GLDC: variants seen among roughly 807,000 people sequenced by gnomAD.
The protein encoded by GLDC is glycine dehydrogenase (decarboxylating), mitochondrial.
A neutral mutation model predicts 121.3 loss-of-function variants in GLDC; 104 were observed. That is an observed-to-expected ratio of 0.86 (90% CI 0.73 to 1.01). The LOEUF is 1.01. Among genes scored for constraint, GLDC ranks in the 50% least tolerant of loss-of-function variants. The probability of loss-of-function intolerance (pLI) is 0.00; values close to 1 mark genes in which losing one functional copy is unlikely to be tolerated. For synonymous variants in GLDC, 546 were observed against 480.6 expected, an observed-to-expected ratio of 1.14 and a Z score of -1.78; for missense variants, 1,429 against 1,306.6, an observed-to-expected ratio of 1.09 and a Z score of -1.44.
intron 22 of GLDC, among the ~76,000 whole-genome samples, chr9:6,539,429 A>G (rs575515375): frequency 6.6e-6 from 1 of 152,290 alleles, no homozygotes; most frequent in Admixed American, 6.5e-5. Flanking sequence ...CAGTGAGCTG[A>G]GATCACATCA....
chr9:6,641,579 G>A (rs1322876800), intron 2 of GLDC, among the ~76,000 whole-genome samples: 1 of 152,150 alleles, frequency 6.6e-6, no homozygotes, highest in Non-Finnish European at 1.5e-5. Context: ...CTATGACCTT[G>A]GGCAAGTCAT....
rs148003860 is a variant in GLDC at position 6,543,898 on chromosome 9, G to T, written c.2570-3752C>A. 5.6e-3 allele frequency among the ~76,000 whole-genome samples: 851 copies of T among 151,760 alleles called. 9 individuals carry two copies. Among genetic ancestry groups the T allele is most frequent in the African/African-American group, 0.019 (784 of 41,262 alleles). On this transcript the variant is annotated intron_variant, in intron 21 of 24. Coordinates refer to ENST00000321612, the MANE Select transcript of GLDC (RefSeq NM_000170.3). ...AAGGGGCAAGGAGGACAGGAGGGGG[G>T]GGGATGAAGGAAAAGCAAGGTAAAC...
chr9:6,588,322 T>A, intron 14 of GLDC, 79 bp downstream of exon 14: 2 of 937,610 alleles, frequency 2.1e-6, no homozygotes, highest in South Asian at 2.6e-5. Flanking sequence ...TCCCAGTAGA[T>A]TTCACTAGTT....
In GLDC at chr9:6,595,046, C is replaced by T. The variant is rs144090917; in HGVS notation, c.1229G>A (p.Arg410Lys). 1,833 of 1,611,492 alleles carry T rather than the reference C, an allele frequency of 1.1e-3. 21 individuals are homozygous for T. The Admixed American group carries it at 0.026, about 23-fold the overall frequency. ...CAAAATCAAAGTGGCATTATGTACC[C>T]TCCTAGCAATATGCTCCAGCCCATG... ...GSHGLEHIAR[R>K]VHNATLILSE... The change falls in exon 9 of 25, where the codon AGG (arginine) becomes AAG (lysine). Residue 410 changes from arginine (R) to lysine (K), a missense_variant. Transcript: ENST00000321612.
At chr9:6,556,123 G>C (rs748495210) in intron 18 of GLDC, 30 bp downstream of exon 18, 3 of 1,589,066 alleles carry the variant, frequency 1.9e-6, no homozygotes, top group East Asian at 2.2e-5. Flanking sequence ...TTCTCAGTGG[G>C]AACTAAGGGC....
chr9:6,564,272 C>T (rs1445648667), intron 16 of GLDC, among the ~76,000 whole-genome samples: 1 of 151,800 alleles, frequency 6.6e-6, no homozygotes, highest in Non-Finnish European at 1.5e-5. Context: ...AATTCTATTC[C>T]CCAACCAAGA....
chr9:6,603,090 T>C (rs556919831), intron 7 of GLDC, among the ~76,000 whole-genome samples: 1 of 151,922 alleles, frequency 6.6e-6, no homozygotes, highest in Non-Finnish European at 1.5e-5. Context: ...TAGCCAGACA[T>C]GGTGACAGGC....
chr9:6,633,990 C>T (rs774672356), intron 2 of GLDC, among the ~76,000 whole-genome samples: 37 of 151,684 alleles, frequency 2.4e-4, no homozygotes, highest in Non-Finnish European at 4.3e-4. Flanking sequence ...CCACCAGGCC[C>T]AGCTAATTTT....
chr9:6,545,858 C>G (rs569335728), intron 21 of GLDC, among the ~76,000 whole-genome samples: 1 of 152,170 alleles, frequency 6.6e-6, no homozygotes, highest in Non-Finnish European at 1.5e-5. Flanking sequence ...CCTGGCTGGT[C>G]TCGAACTCCT....
At position 6,558,463 on chromosome 9, in the gene GLDC, T is replaced by C. The variant is rs954728204; in HGVS notation, c.2052+96A>G. 6 of 1,385,112 alleles carry C rather than the reference T, an allele frequency of 4.3e-6. No individual in the cohort carries two copies. In the African/African-American group the frequency reaches 5.7e-5, roughly 13 times the overall value. The allele number at this position is 1,385,112 out of a possible 1,614,324, so 85.8% of individuals were successfully genotyped here. On this transcript the variant is annotated intron_variant, in intron 17 of 24. Coordinates refer to ENST00000321612, the MANE Select transcript of GLDC (RefSeq NM_000170.3). Reference sequence around the variant, plus strand: ...AAGAACTGCAGACTTTTCATTAGAATGCAAGAGAAGACATTTACATAATCC... The same window carrying C: ...AAGAACTGCAGACTTTTCATTAGAACGCAAGAGAAGACATTTACATAATCC...
At chr9:6,586,986 G>A (rs1332313251) in intron 15 of GLDC, among the ~76,000 whole-genome samples, 155 bp downstream of exon 15, 4 of 152,160 alleles carry the variant, frequency 2.6e-5, no homozygotes, top group East Asian at 3.8e-4. Context: ...GGGAGAACAC[G>A]ATGCACCTTC....
At position 6,637,989 on chromosome 9, in the gene GLDC, C is replaced by A. The variant is rs549266352; in HGVS notation, c.334+6625G>T. Among the ~76,000 whole-genome samples, 10 of 151,536 alleles carry A rather than the reference C, an allele frequency of 6.6e-5. No individual in the cohort carries two copies. The East Asian group carries it at 1.8e-3, about 27-fold the overall frequency. On this transcript the variant is annotated intron_variant, in intron 2 of 24. Coordinates refer to ENST00000321612, the MANE Select transcript of GLDC (RefSeq NM_000170.3). The stretch of plus-strand genomic sequence containing the variant: ...CAGGTGTCAGCCTGTAATCTCATCA[C>A]TTTTAAAACAAATATTTTCACCCCT...
chr9:6,618,247 T>C (rs1462918129), intron 3 of GLDC, among the ~76,000 whole-genome samples: 1 of 152,106 alleles, frequency 6.6e-6, no homozygotes, highest in Non-Finnish European at 1.5e-5. Flanking sequence ...ATGGCACCAA[T>C]CCAAAAAGAT....
chr9:6,596,803 T>C (rs1371005915), intron 8 of GLDC, among the ~76,000 whole-genome samples: 1 of 152,146 alleles, frequency 6.6e-6, no homozygotes, highest in Non-Finnish European at 1.5e-5. Flanking sequence ...GAAAGTAAAA[T>C]AATGCAGCCA....
chr9:6,641,227 CAGATTTATCT>C (rs925021412), intron 2 of GLDC, among the ~76,000 whole-genome samples: 7 of 152,210 alleles, frequency 4.6e-5, no homozygotes, highest in Non-Finnish European at 8.8e-5. Context: ...CAGCCTCCCC[CAGATTTATCT>C]AGCAGAGCAT....
At chr9:6,594,137 G>A (rs999112336) in intron 9 of GLDC, among the ~76,000 whole-genome samples, 5 of 152,016 alleles carry the variant, frequency 3.3e-5, no homozygotes, top group African/African-American at 9.7e-5. Flanking sequence ...CTACATAGCA[G>A]CATTCTTCTG....
At chr9:6,541,943 A>G (rs1817273364) in intron 21 of GLDC, 1 of 151,860 alleles carries the variant, frequency 6.6e-6, no homozygotes, top group Non-Finnish European at 1.5e-5. Context: ...AAAAAACTTC[A>G]AAAACATTGA....
intron 21 of GLDC, among the ~76,000 whole-genome samples, chr9:6,550,532 C>T (rs1195123200): frequency 3.9e-5 from 6 of 152,032 alleles, no homozygotes; most frequent in Non-Finnish European, 1.5e-5. Flanking sequence ...GAGGCTGAGG[C>T]AAAAGAATCG....
At chr9:6,544,473 G>A (rs566517045) in intron 21 of GLDC, among the ~76,000 whole-genome samples, 28 of 152,134 alleles carry the variant, frequency 1.8e-4, no homozygotes, top group African/African-American at 2.2e-4. Flanking sequence ...GCGAAACCTC[G>A]TCTATACTGA....
Sources: allele counts gnomAD v4.1 joint callset (sites outside exome capture counted in the v4.1 genomes callset), GRCh38; gene constraint gnomAD v4.1.1; transcripts MANE v1.5; gene names NCBI Gene and HGNC (gene_info 2026-07-23, HGNC 2026-07-21).